Variants in RBM20 observed in about 807,000 individuals in gnomAD.
RBM20 encodes the protein RNA binding motif protein 20, also known as RNA-binding protein 20.
Under a neutral mutation model 110.1 loss-of-function variants are expected in RBM20, and 51 were observed. That is an observed-to-expected ratio of 0.46 (90% CI 0.37 to 0.59). The LOEUF (loss-of-function observed/expected upper bound fraction) is 0.59. Among genes scored for constraint, RBM20 ranks in the 20% least tolerant of loss-of-function variants. RBM20 has a pLI of 0.00. For synonymous variants in RBM20, 589 were observed against 618.2 expected (o/e 0.95, Z 0.70); for missense variants, 1,512 against 1,574.9 (o/e 0.96, Z 0.68).
Position 110,797,508 on chromosome 10 carries a change from T to C in RBM20, c.1528T>C (p.Phe510Leu), listed in dbSNP as rs1232806059. ...TFPLASVGTT[F>L]AQRKGAGRVV... ...CACTAATGATCTTTGTTCCCATTAG[T>C]TTGCACAGCGGAAAGGGGCTGGCCG... The change falls in exon 6 of 14, where the codon TTT (phenylalanine) becomes CTT (leucine). Residue 510 changes from phenylalanine (F) to leucine (L), a missense_variant and splice_region_variant. By Grantham distance (22) the Phe-to-Leu change is conservative. Coordinates refer to ENST00000369519, the MANE Select transcript of RBM20 (RefSeq NM_001134363.3). 3 of 1,550,368 alleles carry C rather than the reference T, an allele frequency of 1.9e-6. No individual in the cohort carries two copies. Among genetic ancestry groups the C allele is most frequent in the Admixed American group, 2.0e-5 (1 of 50,954 alleles).
In RBM20 at chr10:110,644,752, C is replaced by T; in HGVS notation, c.191+107C>T. The stretch of plus-strand genomic sequence containing the variant: ...TCCCTGCTGAACTTCGCTCGCCCCC[C>T]TTGGGTTTGAAGTTTTCTCGTACCC... On this transcript the variant is annotated intron_variant, in intron 1 of 13. Coordinates refer to ENST00000369519, the MANE Select transcript of RBM20 (RefSeq NM_001134363.3). This position sits in a 1 kb window ranked among gnomAD's most constrained non-coding sequence, Gnocchi z 4.3. The T allele has an allele frequency of 1.1e-6, 1 of 888,078 alleles. No homozygotes were observed. The highest frequency in any genetic ancestry group is 1.6e-6 in the Non-Finnish European group (1 of 624,118). 55.0% of individuals were successfully genotyped at this position (888,078 alleles called of 1,614,324 possible).
At chr10:110,725,267 T>C (rs1037397073) in intron 1 of RBM20, among the ~76,000 whole-genome samples, 1 of 152,224 alleles carries the variant, frequency 6.6e-6, no homozygotes, top group Non-Finnish European at 1.5e-5. Context: ...AAAATTACTC[T>C]GGAGCGTGCG....
At chr10:110,652,594 T>G (rs1483569693) in intron 1 of RBM20, among the ~76,000 whole-genome samples, 2 of 152,176 alleles carry the variant, frequency 1.3e-5, no homozygotes, top group Non-Finnish European at 2.9e-5. Flanking sequence ...CATCTTACAT[T>G]TTAGTCCTGG....
chr10:110,750,623 T>TA (rs1214312653), intron 1 of RBM20, among the ~76,000 whole-genome samples: 1 of 152,246 alleles, frequency 6.6e-6, no homozygotes, highest in Non-Finnish European at 1.5e-5. Flanking sequence ...TGATTTCTTT[T>TA]AAGCTCTAGA....
At chr10:110,718,697 C>T (rs997768667) in intron 1 of RBM20, among the ~76,000 whole-genome samples, 11 of 149,768 alleles carry the variant, frequency 7.3e-5, no homozygotes, top group Admixed American at 1.3e-4. Context: ...CTACAACATC[C>T]GCCTCCGAGG....
intron 1 of RBM20, among the ~76,000 whole-genome samples, chr10:110,717,778 G>C (rs1461828812): frequency 6.6e-6 from 1 of 152,176 alleles, no homozygotes; most frequent in Non-Finnish European, 1.5e-5. Flanking sequence ...TGGTCCTACT[G>C]TGGCTATCAG....
At chr10:110,818,133 A>G (rs1844863201) in intron 9 of RBM20, among the ~76,000 whole-genome samples, 2 of 151,682 alleles carry the variant, frequency 1.3e-5, no homozygotes, top group African/African-American at 4.8e-5. Context: ...TACAAAAAAA[A>G]AAAAAAAATT....
chr10:110,702,273 C>T (rs1354137106), intron 1 of RBM20, among the ~76,000 whole-genome samples: 1 of 152,220 alleles, frequency 6.6e-6, no homozygotes, highest in Non-Finnish European at 1.5e-5. Flanking sequence ...AGTGTGGTGG[C>T]TCACACCTGT....
At chr10:110,794,354 A>G (rs1246188531) in intron 5 of RBM20, among the ~76,000 whole-genome samples, 2 of 152,350 alleles carry the variant, frequency 1.3e-5, no homozygotes, top group East Asian at 1.9e-4. Context: ...AATAGAACAC[A>G]TAAAAATTAA....
At chr10:110,797,398 A>G (rs1590685645) in intron 5 of RBM20, 110 bp from the exon 6 acceptor site, 1 of 1,095,150 alleles carries the variant, frequency 9.1e-7, no homozygotes, top group African/African-American at 1.6e-5. Flanking sequence ...TTTGTAAATT[A>G]TAGTTTTACA....
At position 110,665,995 on chromosome 10, in the gene RBM20, A is replaced by AGAGAGAG. The variant is rs1862169872; in HGVS notation, c.191+21350_191+21351insGAGAGAG. Among the ~76,000 whole-genome samples the AGAGAGAG allele has an allele frequency of 5.8e-3, 850 of 145,432 alleles. 4 individuals are homozygous for AGAGAGAG. Among genetic ancestry groups the AGAGAGAG allele is most frequent in the Non-Finnish European group, 8.6e-3 (578 of 67,008 alleles). ...CCCAGTGTGATGGCACAAAGAAAGA[A>AGAGAGAG]AGAGAGAGAGAGAGAGAGAGAGGGG... is the stretch of plus-strand genomic sequence containing the variant. On this transcript the variant is annotated intron_variant, in intron 1 of 13. Coordinates refer to ENST00000369519, the MANE Select transcript of RBM20 (RefSeq NM_001134363.3).
chr10:110,701,171 G>A (rs888171767), intron 1 of RBM20, among the ~76,000 whole-genome samples: 3 of 152,096 alleles, frequency 2.0e-5, no homozygotes, highest in African/African-American at 2.4e-5. Flanking sequence ...TGTGTGAGCC[G>A]GGGGTTCCAT....
In RBM20 at chr10:110,821,743, A is replaced by G. The variant is rs1844914479; in HGVS notation, c.3124A>G (p.Thr1042Ala). 6.4e-7 allele frequency: 1 copy of G among 1,551,800 alleles called. No homozygotes were observed. The highest frequency in any genetic ancestry group is 2.0e-5 in the Admixed American group (1 of 51,006). The change falls in exon 11 of 14, where the codon ACA becomes GCA. Residue 1042 changes from threonine to alanine, a missense_variant. By Grantham distance (58) the Thr-to-Ala change is moderately conservative. Around this residue, in one of 3 missense-constraint regions of RBM20, gnomAD observed 358 missense variants for 384.2 expected, o/e 0.93. Coordinates refer to ENST00000369519, the MANE Select transcript of RBM20 (RefSeq NM_001134363.3). ...GAGCTCAGATGTTCATCCAGCCCCT[A>G]CAGTCCAGCAAATGTCTTCCCCTAA... ...VESSDVHPAPTVQQMSSPKPA... is the reference protein window; with the variant it reads ...VESSDVHPAPAVQQMSSPKPA...
chr10:110,697,441 T>A (rs1160585724), intron 1 of RBM20, among the ~76,000 whole-genome samples: 2 of 152,234 alleles, frequency 1.3e-5, no homozygotes, highest in Non-Finnish European at 2.9e-5. Flanking sequence ...CTTAGTAATT[T>A]CCTTGGTTCA....
intron 1 of RBM20, among the ~76,000 whole-genome samples, chr10:110,752,931 A>T (rs944551489): frequency 1.4e-5 from 1 of 69,416 alleles, no homozygotes; most frequent in Non-Finnish European, 3.2e-5. Flanking sequence ...ATATATATAT[A>T]TATATATATA....
chr10:110,697,813 C>G (rs1862688383), intron 1 of RBM20, among the ~76,000 whole-genome samples: 1 of 152,192 alleles, frequency 6.6e-6, no homozygotes, highest in Admixed American at 6.5e-5. Context: ...CCTCCCTCCC[C>G]TGATTTTATC....
chr10:110,768,765 T>C (rs1349785258), intron 1 of RBM20, among the ~76,000 whole-genome samples: 1 of 152,180 alleles, frequency 6.6e-6, no homozygotes, highest in African/African-American at 2.4e-5. Flanking sequence ...GCAAAACTCC[T>C]CCCCTAGCAA....
intron 10 of RBM20, 125 bp from the exon 11 acceptor site, chr10:110,821,150 G>C: frequency 1.3e-6 from 1 of 781,048 alleles, no homozygotes; most frequent in Non-Finnish European, 2.0e-6. Flanking sequence ...CACAGTAATT[G>C]TACCAGGTAG....
chr10:110,834,195 G>A (rs571575945), intron 13 of RBM20, among the ~76,000 whole-genome samples: 1 of 152,306 alleles, frequency 6.6e-6, no homozygotes, highest in African/African-American at 2.4e-5. Context: ...ATGTGTCCAC[G>A]TACTGGGCGC....
Sources: allele counts gnomAD v4.1 joint callset (sites outside exome capture counted in the v4.1 genomes callset), GRCh38; gene constraint gnomAD v4.1.1; regional missense constraint gnomAD v4.1.1; non-coding constraint Gnocchi (gnomAD v3.1); transcripts MANE v1.5; gene names NCBI Gene and HGNC (gene_info 2026-07-23, HGNC 2026-07-21).